The following GALNT13 variants were observed in gnomAD, a reference collection of about 807,000 sequenced individuals.
GALNT13 encodes UDP-GalNAc:polypeptide N-acetylgalactosaminyltransferase 13.
GALNT13 carries 28 observed loss-of-function variants against 64.2 expected under a neutral mutation model. The observed-to-expected ratio is 0.44, with a 90% CI of 0.32 to 0.60. The LOEUF is 0.60. GALNT13 is among the 20% of genes least tolerant of loss of function. The pLI, the probability that GALNT13 is intolerant of heterozygous loss-of-function variation, is 0.05. For synonymous variants in GALNT13, 214 were observed against 224.6 expected, an observed-to-expected ratio of 0.95 and a Z score of 0.42; for missense variants, 577 against 669.8, an observed-to-expected ratio of 0.86 and a Z score of 1.53.
At chr2:153,677,169 T>C in the GALNT13 span, among the ~76,000 whole-genome samples, 2 of 152,014 alleles carry the variant, frequency 1.3e-5, no homozygotes, top group Non-Finnish European at 2.9e-5. Context: ...GGTAAACTAC[T>C]TCACCAAAGT....
At chr2:154,140,229 CTG>C (rs1437870778) in intron 3 of GALNT13, 106 bp from the exon 4 acceptor site, 4 of 746,590 alleles carry the variant, frequency 5.4e-6, no homozygotes, top group Non-Finnish European at 8.6e-6. Context: ...ATTATAAAAC[CTG>C]TATGTAAATA....
intron 9 of GALNT13, among the ~76,000 whole-genome samples, chr2:154,313,435 TATACAC>T (rs774450851): frequency 3.9e-4 from 8 of 20,310 alleles, no homozygotes; most frequent in Admixed American, 8.4e-4. Flanking sequence ...TATATATATA[TATACAC>T]ACACACACAA....
At chr2:153,666,726 A>G in the GALNT13 span, among the ~76,000 whole-genome samples, 6 of 152,220 alleles carry the variant, frequency 3.9e-5, no homozygotes, top group Non-Finnish European at 5.9e-5. Flanking sequence ...AGAAAGAACC[A>G]GTGCAAGAGC....
chr2:154,261,065 T>C (rs1250581128), intron 8 of GALNT13, among the ~76,000 whole-genome samples: 2 of 152,040 alleles, frequency 1.3e-5, no homozygotes, highest in African/African-American at 4.8e-5. Context: ...AAGAATTTAG[T>C]GGAATAATAT....
chr2:153,772,647 G>A, the GALNT13 span, among the ~76,000 whole-genome samples: 9 of 152,262 alleles, frequency 5.9e-5, no homozygotes, highest in Admixed American at 2.0e-4. Flanking sequence ...CCTCTAGTAC[G>A]CCATCCTGGG....
chr2:154,309,538 T>C (rs80068869), intron 9 of GALNT13, among the ~76,000 whole-genome samples: 3,168 of 152,166 alleles, frequency 0.021, 88 homozygotes, highest in African/African-American at 0.065. Flanking sequence ...GAAGGGGAAA[T>C]GGGTATGTGC....
the GALNT13 span, among the ~76,000 whole-genome samples, chr2:153,472,851 A>G: frequency 6.6e-6 from 1 of 152,212 alleles, no homozygotes; most frequent in African/African-American, 2.4e-5. Flanking sequence ...CACTGTTTGC[A>G]ATGTGACTGA....
At chr2:153,938,609 A>T (rs773609392) in intron 2 of GALNT13, among the ~76,000 whole-genome samples, 5 of 152,162 alleles carry the variant, frequency 3.3e-5, no homozygotes, top group African/African-American at 4.8e-5. Context: ...GGGTGCCTTA[A>T]ACAACAGAAA....
At chr2:154,220,557 T>G (rs1347217986) in intron 4 of GALNT13, among the ~76,000 whole-genome samples, 1 of 151,908 alleles carries the variant, frequency 6.6e-6, no homozygotes. Flanking sequence ...CATACACACA[T>G]ATTTCTGAAG....
At chr2:154,004,398 G>T (rs1212584962) in intron 3 of GALNT13, among the ~76,000 whole-genome samples, 1 of 152,000 alleles carries the variant, frequency 6.6e-6, no homozygotes, top group Non-Finnish European at 1.5e-5. Context: ...TAGAGAGGGG[G>T]TTTCACCATG....
intron 9 of GALNT13, among the ~76,000 whole-genome samples, chr2:154,360,972 T>C (rs574846282): frequency 5.0e-4 from 76 of 151,994 alleles, no homozygotes; most frequent in African/African-American, 1.8e-3. Flanking sequence ...CCTAGGAAAT[T>C]TGAAAACAAA....
the GALNT13 span, among the ~76,000 whole-genome samples, chr2:153,418,979 C>T: frequency 6.6e-6 from 1 of 152,154 alleles, no homozygotes; most frequent in Non-Finnish European, 1.5e-5. Context: ...GAATGAGAGT[C>T]TCTTATCTCC....
At chr2:154,112,399 A>T (rs1274111392) in intron 3 of GALNT13, among the ~76,000 whole-genome samples, 7 of 152,132 alleles carry the variant, frequency 4.6e-5, no homozygotes, top group Admixed American at 3.3e-4. Context: ...CATCCTATTG[A>T]CTTGATTATT....
the GALNT13 span, among the ~76,000 whole-genome samples, chr2:153,076,406 G>T: frequency 6.6e-6 from 1 of 151,986 alleles, no homozygotes; most frequent in Non-Finnish European, 1.5e-5. Flanking sequence ...TATATTATTT[G>T]TCTTTTAACC....
chr2:153,290,376 A>G, the GALNT13 span, among the ~76,000 whole-genome samples: 337 of 152,276 alleles, frequency 2.2e-3, 1 homozygote, highest in Admixed American at 2.3e-3. Context: ...AACATTGCCT[A>G]TATGGTTATT....
At chr2:153,291,670 C>T in the GALNT13 span, among the ~76,000 whole-genome samples, 1 of 151,004 alleles carries the variant, frequency 6.6e-6, no homozygotes, top group Admixed American at 6.6e-5. Flanking sequence ...GGCAGATGCT[C>T]CACACATGGA....
chr2:153,641,160 C>T, the GALNT13 span, among the ~76,000 whole-genome samples: 1 of 152,056 alleles, frequency 6.6e-6, no homozygotes, highest in Non-Finnish European at 1.5e-5. Context: ...ACATTATTTC[C>T]TTTAAATCTC....
chr2:153,698,887 C>A, the GALNT13 span, among the ~76,000 whole-genome samples: 1 of 152,202 alleles, frequency 6.6e-6, no homozygotes. Context: ...AACAAAAAGT[C>A]TCTCAGACCA....
chr2:154,329,557 A>G (rs1483123596), intron 9 of GALNT13, among the ~76,000 whole-genome samples: 1 of 152,154 alleles, frequency 6.6e-6, no homozygotes, highest in Non-Finnish European at 1.5e-5. Flanking sequence ...GAAACAGAAG[A>G]CATGGTGAAT....
Sources: allele counts gnomAD v4.1 joint callset (sites outside exome capture counted in the v4.1 genomes callset), GRCh38; gene constraint gnomAD v4.1.1; transcripts MANE v1.5; gene names NCBI Gene and HGNC (gene_info 2026-07-23, HGNC 2026-07-21).